Variants in PCDH11X observed in about 807,000 individuals in gnomAD.
PCDH11X encodes protocadherin 11 X-linked.
PCDH11X carries 18 observed loss-of-function variants against 53.3 expected under a neutral mutation model. That is an observed-to-expected ratio of 0.34 (90% CI 0.23 to 0.50). The LOEUF is 0.50. Ranked by LOEUF, PCDH11X falls within the 20% of genes least tolerant of loss-of-function variation. The pLI, the probability that PCDH11X is intolerant of heterozygous loss-of-function variation, is 0.98. For missense variants in PCDH11X, 570 were observed against 1,032.4 expected, an observed-to-expected ratio of 0.55 and a Z score of 6.14; for synonymous variants, 279 against 393.3, an observed-to-expected ratio of 0.71 and a Z score of 3.44.
chrX:92,338,514 A>G (rs1412168555), intron 8 of PCDH11X, among the ~76,000 whole-genome samples: 1 of 110,275 alleles, frequency 9.1e-6, no homozygotes, highest in African/African-American at 3.3e-5. Context: ...GAAGCATTTC[A>G]CCACATAATA....
intron 10 of PCDH11X, among the ~76,000 whole-genome samples, chrX:92,585,042 C>G (rs1924216663): frequency 9.1e-6 from 1 of 110,394 alleles, no homozygotes; most frequent in African/African-American, 3.3e-5. Flanking sequence ...ATGCTGGCAT[C>G]TGCTGGGTTT....
chrX:92,007,862 A>G (rs1173143346), intron 6 of PCDH11X, among the ~76,000 whole-genome samples: 1 of 111,100 alleles, frequency 9.0e-6, no homozygotes, highest in African/African-American at 3.3e-5. Context: ...TTAGCAGACG[A>G]TAAAAGCTGG....
At chrX:91,989,404 T>TACAAAAAA (rs1302714816) in intron 6 of PCDH11X, among the ~76,000 whole-genome samples, 1 of 110,147 alleles carries the variant, frequency 9.1e-6, no homozygotes, top group Non-Finnish European at 1.9e-5. Flanking sequence ...CTGACAAAAA[T>TACAAAAAA]ACAAAAAAAT....
chrX:92,085,640 T>G (rs775174066), intron 6 of PCDH11X, among the ~76,000 whole-genome samples: 2 of 110,141 alleles, frequency 1.8e-5, no homozygotes, highest in East Asian at 5.7e-4. Flanking sequence ...CCAAAGAAAT[T>G]CTACCATCTG....
intron 10 of PCDH11X, among the ~76,000 whole-genome samples, chrX:92,535,548 G>T (rs988232863): frequency 9.0e-6 from 1 of 111,400 alleles, no homozygotes; most frequent in Non-Finnish European, 1.9e-5. Context: ...GGAGGGAGAT[G>T]ATTAGGAAAA....
At chrX:91,928,430 A>C (rs983657121) in intron 6 of PCDH11X, among the ~76,000 whole-genome samples, 3 of 100,348 alleles carry the variant, frequency 3.0e-5, no homozygotes, top group African/African-American at 1.1e-4. Context: ...AAAAATACTT[A>C]CTGTAAAACA....
At chrX:92,422,979 G>A (rs1366320824) in intron 9 of PCDH11X, among the ~76,000 whole-genome samples, 1 of 107,029 alleles carries the variant, frequency 9.3e-6, no homozygotes, top group Non-Finnish European at 2.0e-5. Flanking sequence ...CTCCCAAGTA[G>A]CTGGGACTAC....
At chrX:92,460,544 C>T in intron 9 of PCDH11X, 2 of 751,050 alleles carry the variant, frequency 2.7e-6, no homozygotes, top group Admixed American at 2.3e-5. Context: ...TGAGATGACG[C>T]TCACAGAGCT....
chrX:92,591,555 C>T (rs964421728), intron 10 of PCDH11X, among the ~76,000 whole-genome samples: 1 of 111,660 alleles, frequency 9.0e-6, no homozygotes, highest in South Asian at 3.8e-4. Flanking sequence ...CAGTTACAAA[C>T]TATGCTACAG....
rs867230016 is a variant in PCDH11X at position 92,353,952 on chromosome X, A to G, written c.3145-33783A>G. 7.8e-4 allele frequency among the ~76,000 whole-genome samples: 76 copies of G among 97,041 alleles called. No individual in the cohort carries two copies. The Middle Eastern group carries it at 0.016, about 20-fold the overall frequency. The allele number at this position is 97,041 out of a possible 115,157, so 84.3% of individuals were successfully genotyped here. On this transcript the variant is annotated intron_variant, in intron 8 of 10. Transcript: ENST00000682573. Reference sequence around the variant, plus strand: ...GGTAAAATCTATTTTTCCTTAGCTCACTTCATAATTCTCTACTGTATATGA... The same window carrying G: ...GGTAAAATCTATTTTTCCTTAGCTCGCTTCATAATTCTCTACTGTATATGA...
rs200920171 is a variant in PCDH11X at position 91,874,209 on chromosome X, TA to T, written c.541-2569del. Among the ~76,000 whole-genome samples the T allele has an allele frequency of 4.0e-3, 452 of 111,726 alleles. 4 individuals carry two copies. Among genetic ancestry groups the T allele is most frequent in the Admixed American group, 0.028 (288 of 10,453 alleles). On this transcript the variant is annotated intron_variant, in intron 5 of 10. Coordinates refer to ENST00000682573, the MANE Select transcript of PCDH11X (RefSeq NM_032968.5). ...CCTCTTGGAATATCATTACAAAAAT[TA>T]AATTATCATTAATCACTAAATTTGT...
At chrX:92,183,717 T>C (rs1489944186) in intron 6 of PCDH11X, among the ~76,000 whole-genome samples, 5 of 112,495 alleles carry the variant, frequency 4.4e-5, no homozygotes, top group African/African-American at 1.6e-4. Context: ...TTGATCATTC[T>C]GTTCCTGCCA....
rs1333739672 is a variant in PCDH11X at position 92,008,003 on chromosome X, G to A, written c.3033+128730G>A. 2.7e-5 allele frequency among the ~76,000 whole-genome samples: 3 copies of A among 110,772 alleles called. No homozygotes were observed. The South Asian group carries it at 1.2e-3, about 43-fold the overall frequency. ...CTGACCAGTGCCTTATCCTGCTGTG[G>A]TGCAGGTGGTATCCTAGATGAAAGA... On this transcript the variant is annotated intron_variant, in intron 6 of 10. Coordinates refer to ENST00000682573, the MANE Select transcript of PCDH11X (RefSeq NM_032968.5).
chrX:92,049,417 C>A (rs2063336039), intron 6 of PCDH11X, among the ~76,000 whole-genome samples: 1 of 110,082 alleles, frequency 9.1e-6, no homozygotes, highest in African/African-American at 3.3e-5. Flanking sequence ...GGGCATGACT[C>A]CCCTGACCCC....
At chrX:92,101,366 G>A (rs1179210620) in intron 6 of PCDH11X, among the ~76,000 whole-genome samples, 5 of 111,525 alleles carry the variant, frequency 4.5e-5, no homozygotes, top group African/African-American at 1.3e-4. Context: ...GTAGCATTCC[G>A]AGGACAGGCC....
At chrX:92,486,818 T>C (rs1403331890) in intron 10 of PCDH11X, among the ~76,000 whole-genome samples, 2 of 108,624 alleles carry the variant, frequency 1.8e-5, no homozygotes, top group Middle Eastern at 5.0e-3. Flanking sequence ...TAGCATATAT[T>C]AAGCAGAGGT....
intron 7 of PCDH11X, among the ~76,000 whole-genome samples, chrX:92,250,673 G>A (rs1419890236): frequency 9.5e-6 from 1 of 105,593 alleles, no homozygotes; most frequent in Admixed American, 1.0e-4. Flanking sequence ...CCATAAAAAA[G>A]GAATGAATTA....
rs749030816 is a variant in PCDH11X, at chrX:92,615,705, C to T, written c.3368-2559C>T. 3.4e-4 allele frequency among the ~76,000 whole-genome samples: 38 copies of T among 110,728 alleles called. 1 individual carries two copies. The Admixed American group carries it at 3.5e-3, about 10-fold the overall frequency. ...TGCCTGGATTAAAAATGGCATCCTGCTGTCAGTCCTTGGCCTGGGCAAATT... is the reference window on the plus strand; with the variant it reads ...TGCCTGGATTAAAAATGGCATCCTGTTGTCAGTCCTTGGCCTGGGCAAATT... On this transcript the variant is annotated intron_variant, in intron 10 of 10. Coordinates refer to ENST00000682573, the MANE Select transcript of PCDH11X (RefSeq NM_032968.5).
intron 7 of PCDH11X, among the ~76,000 whole-genome samples, chrX:92,258,067 A>T (rs2067633602): frequency 9.0e-6 from 1 of 111,561 alleles, no homozygotes; most frequent in African/African-American, 3.3e-5. Context: ...CACTCAGTGT[A>T]CCTGCAGGCT....
Sources: allele counts gnomAD v4.1 joint callset (sites outside exome capture counted in the v4.1 genomes callset), GRCh38; gene constraint gnomAD v4.1.1; transcripts MANE v1.5; gene names NCBI Gene and HGNC (gene_info 2026-07-23, HGNC 2026-07-21).